The following CYB5R4 variants were observed in gnomAD, a reference collection of about 807,000 sequenced individuals.
CYB5R4 encodes the protein N-terminal cytochrome b5 and cytochrome b5 oxidoreductase domain-containing protein.
In CYB5R4, 55 loss-of-function variants were observed where a neutral mutation model predicts 70.2. That is an observed-to-expected ratio of 0.78 (90% CI 0.63 to 0.98). The LOEUF (loss-of-function observed/expected upper bound fraction) is 0.98. CYB5R4 is among the 50% of genes least tolerant of loss of function. CYB5R4 has a pLI of 0.00. For missense variants in CYB5R4, 562 were observed against 612.6 expected (o/e 0.92, Z 0.87); for synonymous variants, 197 against 199.5 (o/e 0.99, Z 0.11).
chr6:83,959,866 T>C lies in CYB5R4; in HGVS notation c.1554T>C (p.Ser518=). Residue 518 remains serine (S), a synonymous_variant, in exon 16 of 16, where the codon AGT becomes AGC. Transcript: ENST00000369681. ...DLNFSKNEIH[S]FTA Reference sequence around the variant, plus strand: ...ACTTTTCCAAAAATGAGATCCATAGTTTTACAGCATAATGAAGAGCTGTCA... The same window carrying C: ...ACTTTTCCAAAAATGAGATCCATAGCTTTACAGCATAATGAAGAGCTGTCA... The C allele has an allele frequency of 6.3e-7, 1 of 1,599,148 alleles. No individual in the cohort carries two copies. Among genetic ancestry groups the C allele is most frequent in the Non-Finnish European group, 8.5e-7 (1 of 1,173,712 alleles).
chr6:83,934,585 C>A lies in CYB5R4; in HGVS notation c.815-10C>A. ...TATGTATCAATAAGAGAAAATGAATCACTTTTTAGGTTTGTACTACAGAAA... is the reference window on the plus strand; with the variant it reads ...TATGTATCAATAAGAGAAAATGAATAACTTTTTAGGTTTGTACTACAGAAA... On this transcript the variant is annotated splice_polypyrimidine_tract_variant and intron_variant, in intron 10 of 15. Transcript: ENST00000369681. The A allele has an allele frequency of 1.3e-6, 2 of 1,587,438 alleles. No individual in the cohort carries two copies. The highest frequency in any genetic ancestry group is 1.3e-5 in the African/African-American group (1 of 74,186).
At chr6:83,928,736 A>T (rs1384670038) in intron 10 of CYB5R4, among the ~76,000 whole-genome samples, 2 of 152,198 alleles carry the variant, frequency 1.3e-5, no homozygotes, top group Non-Finnish European at 2.9e-5. Flanking sequence ...GGGACAATGG[A>T]AATGAAAAGG....
In CYB5R4 at chr6:83,911,887, G is replaced by GA. The variant is rs200576960; in HGVS notation, c.413-2520dup. On this transcript the variant is annotated intron_variant, in intron 4 of 15. Coordinates refer to ENST00000369681, the MANE Select transcript of CYB5R4 (RefSeq NM_016230.4). Reference sequence around the variant, plus strand: ...AGCGAAACCCTGTCTCTACAAAAAAGAAAAAAAAATTACAAAAATATTAAC... The same window carrying GA: ...AGCGAAACCCTGTCTCTACAAAAAAGAAAAAAAAAATTACAAAAATATTAAC... 6.4e-3 allele frequency among the ~76,000 whole-genome samples: 955 copies of GA among 150,198 alleles called. 9 individuals are homozygous for GA. Among genetic ancestry groups the GA allele is most frequent in the African/African-American group, 0.022 (891 of 40,928 alleles).
intron 2 of CYB5R4, among the ~76,000 whole-genome samples, chr6:83,885,759 T>C (rs1274121570): frequency 6.6e-6 from 1 of 152,138 alleles, no homozygotes. Context: ...GTTGGAATAG[T>C]GACTAAAAAA....
At chr6:83,883,439 A>G (rs1184861311) in intron 2 of CYB5R4, among the ~76,000 whole-genome samples, 1 of 152,180 alleles carries the variant, frequency 6.6e-6, no homozygotes, top group Admixed American at 6.5e-5. Context: ...CTAAACTGCT[A>G]AAAGCTAACA....
intron 10 of CYB5R4, among the ~76,000 whole-genome samples, chr6:83,933,205 C>T (rs941562626): frequency 5.9e-5 from 9 of 152,116 alleles, no homozygotes; most frequent in African/African-American, 1.9e-4. Flanking sequence ...AGGGTGGGCT[C>T]TTAGCCGTAA....
At chr6:83,863,899 C>A (rs1167122556) in intron 1 of CYB5R4, among the ~76,000 whole-genome samples, 1 of 152,150 alleles carries the variant, frequency 6.6e-6, no homozygotes, top group Non-Finnish European at 1.5e-5. Flanking sequence ...GACACTTGAG[C>A]ATCCTGGATT....
At chr6:83,927,368 G>A (rs560275356) in intron 10 of CYB5R4, among the ~76,000 whole-genome samples, 1 of 152,168 alleles carries the variant, frequency 6.6e-6, no homozygotes, top group South Asian at 2.1e-4. Flanking sequence ...CTGGAGTTTA[G>A]GGCAGACCCC....
At chr6:83,860,701 A>T (rs2099455798) in intron 1 of CYB5R4, among the ~76,000 whole-genome samples, 1 of 151,792 alleles carries the variant, frequency 6.6e-6, no homozygotes, top group Non-Finnish European at 1.5e-5. Context: ...ATCGTTTGGA[A>T]CCCTTATCGA....
At chr6:83,890,374 A>G (rs1187984114) in intron 2 of CYB5R4, among the ~76,000 whole-genome samples, 1 of 152,216 alleles carries the variant, frequency 6.6e-6, no homozygotes, top group Non-Finnish European at 1.5e-5. Context: ...CAACAGCTAG[A>G]AAACTAGAAT....
chr6:83,871,484 C>T (rs1271389362), intron 2 of CYB5R4, among the ~76,000 whole-genome samples: 1 of 151,888 alleles, frequency 6.6e-6, no homozygotes, highest in Non-Finnish European at 1.5e-5. Flanking sequence ...CACTTTTTCT[C>T]TCTCTGTACT....
chr6:83,958,351 G>A (rs1043332212), intron 15 of CYB5R4, among the ~76,000 whole-genome samples: 2 of 152,098 alleles, frequency 1.3e-5, no homozygotes, highest in East Asian at 3.9e-4. Flanking sequence ...TCTTACTAGA[G>A]ATAAAATCAA....
chr6:83,882,124 C>CTGG (rs2099459542), intron 2 of CYB5R4, among the ~76,000 whole-genome samples: 1 of 152,128 alleles, frequency 6.6e-6, no homozygotes, highest in Non-Finnish European at 1.5e-5. Context: ...GTGAAGATGA[C>CTGG]TGGTGAACAG....
intron 1 of CYB5R4, 81 bp downstream of exon 1, chr6:83,859,938 C>T (rs760361711): frequency 2.3e-5 from 30 of 1,306,408 alleles, no homozygotes; most frequent in Non-Finnish European, 3.1e-5. Context: ...GCCCCAACTC[C>T]CAGCTCCTGC....
At chr6:83,938,321 G>C (rs1217245569) in intron 12 of CYB5R4, among the ~76,000 whole-genome samples, 4 of 152,182 alleles carry the variant, frequency 2.6e-5, no homozygotes, top group Admixed American at 2.6e-4. Flanking sequence ...TTGTCCTAGA[G>C]CATGGAAAGG....
intron 2 of CYB5R4, among the ~76,000 whole-genome samples, chr6:83,865,159 G>T (rs189505477): frequency 1.7e-3 from 264 of 152,274 alleles, no homozygotes; most frequent in African/African-American, 6.1e-3. Context: ...TGGTCTTACT[G>T]CTCTGTCCTG....
At chr6:83,887,219 A>G (rs1450360941) in intron 2 of CYB5R4, among the ~76,000 whole-genome samples, 1 of 152,158 alleles carries the variant, frequency 6.6e-6, no homozygotes, top group African/African-American at 2.4e-5. Context: ...GATCTGTTCA[A>G]GCAGATGCTG....
Position 83,864,216 on chromosome 6 carries a change from A to G in CYB5R4, c.117A>G (p.Arg39=), listed in dbSNP as rs2099456414. 2 of 1,612,600 alleles carry G rather than the reference A, an allele frequency of 1.2e-6. No homozygotes were observed. The highest frequency in any genetic ancestry group is 8.5e-7 in the Non-Finnish European group (1 of 1,179,412). The change falls in exon 2 of 16, where the codon CGA becomes CGG. Residue 39 remains arginine (R), a synonymous_variant. Coordinates refer to ENST00000369681, the MANE Select transcript of CYB5R4 (RefSeq NM_016230.4). ...KQGRSLMDWI[R]LTKSGKDLTG... is the part of the protein sequence containing the mutation. ...GCAGAAGCCTTATGGATTGGATTCG[A>G]CTGACCAAAAGTGGAAAGGATCTAA...
chr6:83,955,205 T>A, intron 14 of CYB5R4, 93 bp from the exon 15 acceptor site: 1 of 1,026,440 alleles, frequency 9.7e-7, no homozygotes, highest in Non-Finnish European at 1.4e-6. Flanking sequence ...ATTAAATTGT[T>A]CCTTTAGGGG....
Sources: allele counts gnomAD v4.1 joint callset (sites outside exome capture counted in the v4.1 genomes callset), GRCh38; gene constraint gnomAD v4.1.1; transcripts MANE v1.5; gene names NCBI Gene and HGNC (gene_info 2026-07-23, HGNC 2026-07-21).